The following UNC5B variants were observed in gnomAD, a reference collection of about 807,000 sequenced individuals.
UNC5B encodes the protein netrin receptor UNC5B.
In UNC5B, 56 loss-of-function variants were observed where a neutral mutation model predicts 103.7. The observed-to-expected ratio is 0.54, with a 90% CI of 0.44 to 0.67. The LOEUF is 0.67. UNC5B is among the 30% of genes least tolerant of loss of function. The pLI is 0.00. For missense variants in UNC5B, 1,194 were observed against 1,284.5 expected (o/e 0.93, Z 1.08); for synonymous variants, 577 against 542.0 (o/e 1.06, Z -0.90).
intron 1 of UNC5B, among the ~76,000 whole-genome samples, chr10:71,258,512 C>A (rs71477531): frequency 6.6e-6 from 1 of 152,226 alleles, no homozygotes; most frequent in African/African-American, 2.4e-5. Flanking sequence ...TGGCCCCTTC[C>A]TGAGCTGTGT....
At chr10:71,295,743 C>G (rs1325902233) in intron 13 of UNC5B, 68 bp from the exon 14 acceptor site, 2 of 1,566,530 alleles carry the variant, frequency 1.3e-6, no homozygotes, top group Non-Finnish European at 1.7e-6. Context: ...CTGCCCCGCA[C>G]AGTGCCACAG....
chr10:71,275,923 T>A (rs951354399), intron 1 of UNC5B, among the ~76,000 whole-genome samples: 1 of 152,094 alleles, frequency 6.6e-6, no homozygotes, highest in Admixed American at 6.6e-5. Context: ...GCTGGGATTG[T>A]GGCACTTGAG....
In UNC5B at chr10:71,288,716, T is replaced by G. The variant is rs1228778554; in HGVS notation, c.1050T>G (p.Asp350Glu). 4.3e-6 allele frequency: 7 copies of G among 1,612,378 alleles called. No homozygotes were observed. The highest frequency in any genetic ancestry group is 5.9e-6 in the Non-Finnish European group (7 of 1,179,052). ...TGCTCGACTCTAAGAACTGCACAGA[T>G]GGGCTGTGCATGCAAAGTGAGTCAC... ...GTLLDSKNCTDGLCMQNKKTL... is the reference protein window; with the variant it reads ...GTLLDSKNCTEGLCMQNKKTL... The change falls in exon 7 of 17, where the codon GAT becomes GAG. Residue 350 changes from aspartate (D) to glutamate (E), a missense_variant. Physicochemically the swap from Asp to Glu is conservative, Grantham distance 45. Transcript: ENST00000335350.
chr10:71,270,238 T>C (rs909225142), intron 1 of UNC5B, among the ~76,000 whole-genome samples: 5 of 151,666 alleles, frequency 3.3e-5, no homozygotes, highest in African/African-American at 4.8e-5. Flanking sequence ...TAATCTCAGA[T>C]ACTTGGGAGG....
rs183536591 is a variant in UNC5B at position 71,226,144 on chromosome 10, G to A, written c.79+13080G>A. Among the ~76,000 whole-genome samples the A allele has an allele frequency of 6.3e-3, 956 of 151,786 alleles. 2 individuals carry two copies. Among genetic ancestry groups the A allele is most frequent in the South Asian group, 0.015 (74 of 4,780 alleles). On this transcript the variant is annotated intron_variant, in intron 1 of 16. Coordinates refer to ENST00000335350, the MANE Select transcript of UNC5B (RefSeq NM_170744.5). ...GGCTGGAGTGCAGTGGCACCATCTC[G>A]GCTCACTGCAATCTCTGCCTCCCAG...
chr10:71,235,082 C>CTAT (rs1843749647), intron 1 of UNC5B, among the ~76,000 whole-genome samples: 1 of 86,886 alleles, frequency 1.2e-5, no homozygotes, highest in Non-Finnish European at 3.2e-5. Flanking sequence ...CTCGCTGCCG[C>CTAT]TGCCTCTGAC....
chr10:71,262,020 G>A (rs1010107612), intron 1 of UNC5B, among the ~76,000 whole-genome samples: 2 of 151,650 alleles, frequency 1.3e-5, no homozygotes, highest in African/African-American at 4.8e-5. Flanking sequence ...TAGGGGGGAG[G>A]TGGGAAGATA....
At chr10:71,255,208 T>C (rs1166044548) in intron 1 of UNC5B, among the ~76,000 whole-genome samples, 3 of 152,246 alleles carry the variant, frequency 2.0e-5, no homozygotes, top group African/African-American at 7.2e-5. Context: ...GGTATCTTAC[T>C]CTGGTAAATA....
At chr10:71,244,608 GAAA>G (rs1427638301) in intron 1 of UNC5B, among the ~76,000 whole-genome samples, 1 of 152,178 alleles carries the variant, frequency 6.6e-6, no homozygotes, top group African/African-American at 2.4e-5. Context: ...CAGGTGGAAG[GAAA>G]ACACTCAGCT....
At chr10:71,283,773 C>T (rs1207758567) in intron 2 of UNC5B, among the ~76,000 whole-genome samples, 1 of 151,550 alleles carries the variant, frequency 6.6e-6, no homozygotes, top group Non-Finnish European at 1.5e-5. Flanking sequence ...CTTGTGTAGG[C>T]CGGTAGGTCC....
At chr10:71,226,686 A>G (rs1050878037) in intron 1 of UNC5B, among the ~76,000 whole-genome samples, 3 of 152,246 alleles carry the variant, frequency 2.0e-5, no homozygotes, top group Admixed American at 6.5e-5. Context: ...CATCATGACC[A>G]GATCTGATTT....
Position 71,300,463 on chromosome 10 carries a change from TCAAA to T in UNC5B, c.*1189_*1192del, listed in dbSNP as rs1034749585. On this transcript the variant is annotated 3_prime_UTR_variant, in exon 17 of 17. Coordinates refer to ENST00000335350, the MANE Select transcript of UNC5B (RefSeq NM_170744.5). Reference sequence around the variant, plus strand: ...AAGGGATGTGGCCCAGAAGTGGGACTCAAACAGAGAGATGAAGTAGGGGAGGGGA... The same window carrying T: ...AAGGGATGTGGCCCAGAAGTGGGACTCAGAGAGATGAAGTAGGGGAGGGGA... 17 of 152,302 alleles carry T rather than the reference TCAAA, an allele frequency of 1.1e-4. No homozygotes were observed. The highest frequency in any genetic ancestry group is 3.9e-4 in the African/African-American group (16 of 41,440). 9.4% of individuals were successfully genotyped at this position (152,302 alleles called of 1,614,324 possible). A position where few individuals can be genotyped will look rare whatever the true frequency, so the allele number is the denominator to read the frequency against.
At chr10:71,265,500 G>T (rs974299609) in intron 1 of UNC5B, among the ~76,000 whole-genome samples, 1 of 152,162 alleles carries the variant, frequency 6.6e-6, no homozygotes, top group Non-Finnish European at 1.5e-5. Flanking sequence ...ACTTTTCTCC[G>T]CCGCTTTCTC....
chr10:71,245,745 G>A (rs1417104366), intron 1 of UNC5B, among the ~76,000 whole-genome samples: 2 of 152,212 alleles, frequency 1.3e-5, no homozygotes, highest in African/African-American at 2.4e-5. Context: ...CTCTGGAGAT[G>A]GGTCTGGCCC....
At chr10:71,253,698 G>A (rs1432488432) in intron 1 of UNC5B, among the ~76,000 whole-genome samples, 1 of 152,160 alleles carries the variant, frequency 6.6e-6, no homozygotes. Context: ...GGCTGCCAAG[G>A]GGAGGAGGGG....
intron 1 of UNC5B, among the ~76,000 whole-genome samples, chr10:71,216,062 A>G (rs1843323883): frequency 6.6e-6 from 1 of 152,070 alleles, no homozygotes; most frequent in South Asian, 2.1e-4. Context: ...ATTCTGTAGG[A>G]TAAAACAGTT....
Position 71,285,271 on chromosome 10 carries a change from C to T in UNC5B, c.449-55C>T, listed in dbSNP as rs534985600. 70 of 1,523,038 alleles carry T rather than the reference C, an allele frequency of 4.6e-5. 1 individual carries two copies. In the South Asian group the frequency reaches 8.0e-4, roughly 17 times the overall value. 94.3% of individuals were successfully genotyped at this position (1,523,038 alleles called of 1,614,324 possible). Reference sequence around the variant, plus strand: ...ACCCAGTGGCTACAGTGTAGCACATCAGGTTCTGATCCTGCCCGCACCTGA... The same window carrying T: ...ACCCAGTGGCTACAGTGTAGCACATTAGGTTCTGATCCTGCCCGCACCTGA... On this transcript the variant is annotated intron_variant, in intron 3 of 16. Coordinates refer to ENST00000335350, the MANE Select transcript of UNC5B (RefSeq NM_170744.5).
At chr10:71,279,758 G>T in intron 1 of UNC5B, 63 bp from the exon 2 acceptor site, 1 of 1,537,078 alleles carries the variant, frequency 6.5e-7, no homozygotes. Flanking sequence ...CCCGGGGTGG[G>T]CGAGGGGTGC....
chr10:71,293,870 C>A lies in UNC5B; in HGVS notation c.2112C>A (p.Leu704=). 1 of 1,608,024 alleles carries A rather than the reference C, an allele frequency of 6.2e-7. No homozygotes were observed. The highest frequency in any genetic ancestry group is 8.5e-7 in the Non-Finnish European group (1 of 1,179,786). Residue 704 remains leucine, a synonymous_variant, in exon 13 of 17, where the codon CTC becomes CTA. Coordinates refer to ENST00000335350, the MANE Select transcript of UNC5B (RefSeq NM_170744.5). Reference sequence around the variant, plus strand: ...AGCTGGCCGTCTTCGCCCCCGCCCTCTGCACCTCCCTGGAGTACAGCCTCC... The same window carrying A: ...AGCTGGCCGTCTTCGCCCCCGCCCTATGCACCTCCCTGGAGTACAGCCTCC... ...RLQLAVFAPA[L]CTSLEYSLRV...
Sources: allele counts gnomAD v4.1 joint callset (sites outside exome capture counted in the v4.1 genomes callset), GRCh38; gene constraint gnomAD v4.1.1; transcripts MANE v1.5; gene names NCBI Gene and HGNC (gene_info 2026-07-23, HGNC 2026-07-21).